EXT2: variants seen among roughly 807,000 people sequenced by gnomAD.
EXT2 encodes exostosin-2.
A neutral mutation model predicts 81.6 loss-of-function variants in EXT2; 53 were observed. The ratio of observed to expected loss-of-function variants is 0.65; its 90% confidence interval spans 0.52 to 0.82. The LOEUF (loss-of-function observed/expected upper bound fraction) is 0.82. EXT2 is among the 40% of genes least tolerant of loss of function. EXT2 has a pLI of 0.00. For synonymous variants in EXT2, 320 were observed against 340.0 expected (o/e 0.94, Z 0.65); for missense variants, 774 against 910.2 (o/e 0.85, Z 1.93).
At chr11:44,123,278 C>G (rs1245987794) in intron 4 of EXT2, among the ~76,000 whole-genome samples, 12 of 152,186 alleles carry the variant, frequency 7.9e-5, no homozygotes, top group Admixed American at 7.9e-4. Context: ...GTAACAATTA[C>G]CATTCTCTCT....
intron 8 of EXT2, among the ~76,000 whole-genome samples, chr11:44,175,812 G>A (rs919467109): frequency 6.6e-6 from 1 of 152,184 alleles, no homozygotes; most frequent in African/African-American, 2.4e-5. Flanking sequence ...AGAAAGGGAA[G>A]GAAGGAGGAA....
intron 10 of EXT2, among the ~76,000 whole-genome samples, chr11:44,224,040 T>G (rs1955812562): frequency 6.6e-6 from 1 of 152,216 alleles, no homozygotes; most frequent in Non-Finnish European, 1.5e-5. Flanking sequence ...CAATTTCATG[T>G]TGTGATGTCA....
chr11:44,192,049 G>A (rs1361784968), intron 8 of EXT2, among the ~76,000 whole-genome samples: 1 of 152,194 alleles, frequency 6.6e-6, no homozygotes, highest in Non-Finnish European at 1.5e-5. Flanking sequence ...TATTATTTAA[G>A]GCTTTTCACA....
chr11:44,127,332 T>C (rs1049050624), intron 6 of EXT2, among the ~76,000 whole-genome samples: 8 of 152,176 alleles, frequency 5.3e-5, no homozygotes, highest in African/African-American at 1.9e-4. Context: ...TGTGGCCTGT[T>C]TGGAGCCGGG....
intron 5 of EXT2, among the ~76,000 whole-genome samples, chr11:44,126,015 T>A (rs1954398128): frequency 6.6e-6 from 1 of 152,252 alleles, no homozygotes; most frequent in African/African-American, 2.4e-5. Context: ...TCCTTTTCTC[T>A]AGCTTTAAAG....
intron 5 of EXT2, among the ~76,000 whole-genome samples, chr11:44,126,061 CCTT>C (rs1246183775): frequency 1.3e-5 from 2 of 152,134 alleles, no homozygotes; most frequent in African/African-American, 2.4e-5. Flanking sequence ...TCTTTTTCCT[CCTT>C]CTTAAGAGGC....
At position 44,119,120 on chromosome 11, in the gene EXT2, CTATT is replaced by C. The variant is rs1313589584; in HGVS notation, c.743+4823_743+4826del. On this transcript the variant is annotated intron_variant, in intron 4 of 13. Transcript: ENST00000533608. ...ATTATGTCCCCCAGGGGACATTTGG[CTATT>C]TATATATATATATATATATATATAT... 7.2e-3 allele frequency among the ~76,000 whole-genome samples: 208 copies of C among 28,810 alleles called. 2 individuals carry two copies. The highest frequency in any genetic ancestry group is 0.013 in the Non-Finnish European group (165 of 13,174). The allele number at this position is 28,810 out of a possible 152,430, so 18.9% of individuals were successfully genotyped here.
chr11:44,100,226 C>T (rs1590538488), intron 1 of EXT2, among the ~76,000 whole-genome samples: 1 of 152,192 alleles, frequency 6.6e-6, no homozygotes, highest in Non-Finnish European at 1.5e-5. Context: ...AAGCTACTTG[C>T]ACCCAAGTTG....
intron 7 of EXT2, among the ~76,000 whole-genome samples, chr11:44,166,846 T>G (rs895781547): frequency 3.9e-5 from 6 of 152,222 alleles, no homozygotes; most frequent in African/African-American, 1.2e-4. Context: ...TGAGTTTAAC[T>G]TCTGCTCGGA....
At chr11:44,106,665 T>C (rs1368230920) in intron 1 of EXT2, among the ~76,000 whole-genome samples, 1 of 152,194 alleles carries the variant, frequency 6.6e-6, no homozygotes, top group Non-Finnish European at 1.5e-5. Flanking sequence ...AGTCTTGCTC[T>C]GTCACTTGGG....
At chr11:44,243,087 T>G (rs1340903406) in intron 13 of EXT2, among the ~76,000 whole-genome samples, 1 of 152,198 alleles carries the variant, frequency 6.6e-6, no homozygotes, top group Non-Finnish European at 1.5e-5. Context: ...TAACAAATTT[T>G]TTTAGAAACA....
At chr11:44,173,039 GA>G (rs1304268835) in intron 8 of EXT2, among the ~76,000 whole-genome samples, 1 of 152,104 alleles carries the variant, frequency 6.6e-6, no homozygotes, top group African/African-American at 2.4e-5. Context: ...TGAGAATACA[GA>G]AAAAAGAAGA....
At chr11:44,100,099 G>T (rs1271331688) in intron 1 of EXT2, among the ~76,000 whole-genome samples, 1 of 152,148 alleles carries the variant, frequency 6.6e-6, no homozygotes, top group African/African-American at 2.4e-5. Flanking sequence ...TTCTCCAGAG[G>T]GATCCTAGAA....
chr11:44,173,563 CTTTTT>C (rs66702988), intron 8 of EXT2, among the ~76,000 whole-genome samples: 3 of 100,054 alleles, frequency 3.0e-5, no homozygotes, highest in African/African-American at 1.0e-4. Context: ...TTCTTTCTTT[CTTTTT>C]TTTTTTTTTT....
At chr11:44,145,942 A>G (rs758905395) in intron 7 of EXT2, among the ~76,000 whole-genome samples, 35 of 152,238 alleles carry the variant, frequency 2.3e-4, no homozygotes, top group African/African-American at 7.5e-4. Context: ...ATTAGTGTCT[A>G]TATTAGTTTG....
chr11:44,173,911 GT>G (rs1590621235), intron 8 of EXT2, among the ~76,000 whole-genome samples: 2 of 152,088 alleles, frequency 1.3e-5, no homozygotes, highest in African/African-American at 4.8e-5. Flanking sequence ...ACTTTCATAT[GT>G]TTACACATAA....
chr11:44,242,677 A>G (rs971888308), intron 13 of EXT2, among the ~76,000 whole-genome samples: 1 of 152,180 alleles, frequency 6.6e-6, no homozygotes, highest in African/African-American at 2.4e-5. Flanking sequence ...ACTTTAAGCA[A>G]TCCATGAGAT....
chr11:44,186,523 G>A (rs1040698397), intron 8 of EXT2, among the ~76,000 whole-genome samples: 9 of 152,180 alleles, frequency 5.9e-5, no homozygotes, highest in African/African-American at 1.7e-4. Flanking sequence ...AACCTTTCTT[G>A]CTCTCCTTGA....
chr11:44,135,182 G>A (rs574345838), intron 7 of EXT2, among the ~76,000 whole-genome samples: 3 of 152,322 alleles, frequency 2.0e-5, no homozygotes, highest in South Asian at 4.1e-4. Flanking sequence ...TGCATACACC[G>A]AAGTTCCTGT....
Sources: allele counts gnomAD v4.1 joint callset (sites outside exome capture counted in the v4.1 genomes callset), GRCh38; gene constraint gnomAD v4.1.1; transcripts MANE v1.5; gene names NCBI Gene and HGNC (gene_info 2026-07-23, HGNC 2026-07-21).